The following SLC22A23 variants were observed in gnomAD, a reference collection of about 807,000 sequenced individuals.
SLC22A23 encodes solute carrier family 22 member 23.
SLC22A23 carries 26 observed loss-of-function variants against 61.0 expected under a neutral mutation model. That is an observed-to-expected ratio of 0.43 (90% CI 0.31 to 0.59). The LOEUF (loss-of-function observed/expected upper bound fraction) is 0.59, where lower values mean the gene tolerates loss of function less well. Ranked by LOEUF, SLC22A23 falls within the 20% of genes least tolerant of loss-of-function variation. The pLI, the probability that SLC22A23 is intolerant of heterozygous loss-of-function variation, is 0.11. For synonymous variants in SLC22A23, 430 were observed against 413.9 expected (o/e 1.04, Z -0.47); for missense variants, 796 against 934.7 (o/e 0.85, Z 1.94).
rs151139208 is a variant in SLC22A23, at chr6:3,323,994, G to A, written c.922C>T (p.Leu308=). 2.0e-4 allele frequency: 321 copies of A among 1,614,126 alleles called. No individual in the cohort carries two copies. The African/African-American group carries it at 3.8e-3, about 19-fold the overall frequency. The change falls in exon 4 of 10, where the codon CTG becomes TTG. Residue 308 remains leucine, a synonymous_variant. Coordinates refer to ENST00000406686, the MANE Select transcript of SLC22A23 (RefSeq NM_015482.2). ...ATGAACCGTTTTCCAGGGGGGCACA[G>A]CTCTATTCCTAGAACACAGAACCAA... The part of the protein sequence containing the change: ...ILTLYALRIE[L]CPPGKRFMIT...
chr6:3,359,840 T>C (rs753073515), intron 3 of SLC22A23, among the ~76,000 whole-genome samples: 17 of 152,142 alleles, frequency 1.1e-4, no homozygotes, highest in Non-Finnish European at 1.9e-4. Context: ...ATGTGATCCA[T>C]CCAGAGGATG....
intron 9 of SLC22A23, among the ~76,000 whole-genome samples, chr6:3,275,622 G>A (rs970673140): frequency 4.6e-5 from 7 of 152,166 alleles, no homozygotes; most frequent in Admixed American, 1.3e-4. Flanking sequence ...TCTCACTGTC[G>A]CACAGGCTGG....
In SLC22A23 at chr6:3,271,942, T is replaced by G. The variant is rs1331489773; in HGVS notation, c.*1113A>C. The G allele has an allele frequency of 6.6e-6, 1 of 152,420 alleles. No individual in the cohort carries two copies. The highest frequency in any genetic ancestry group is 1.5e-5 in the Non-Finnish European group (1 of 68,120). 9.4% of individuals were successfully genotyped at this position (152,420 alleles called of 1,614,324 possible). On this transcript the variant is annotated 3_prime_UTR_variant, in exon 10 of 10. Coordinates refer to ENST00000406686, the MANE Select transcript of SLC22A23 (RefSeq NM_015482.2). ...CGCTCCCTGCCCGAAGCCCCACCTC[T>G]GTGCTATGCGAGTGACTGCAAGCAG...
At position 3,285,977 on chromosome 6, in the gene SLC22A23, C is replaced by T. The variant is rs1042342238; in HGVS notation, c.1547-866G>A. ...TCATCGGTCCTGCCTGTTCACGTCGCGCCCTGGGCTGGCCACGGAGATGCT... is the reference window on the plus strand; with the variant it reads ...TCATCGGTCCTGCCTGTTCACGTCGTGCCCTGGGCTGGCCACGGAGATGCT... On this transcript the variant is annotated intron_variant, in intron 7 of 9. Coordinates refer to ENST00000406686, the MANE Select transcript of SLC22A23 (RefSeq NM_015482.2). Among the ~76,000 whole-genome samples the T allele has an allele frequency of 5.3e-5, 8 of 152,250 alleles. No homozygotes were observed. The South Asian group carries it at 1.2e-3, about 24-fold the overall frequency.
rs145450992 is a variant in SLC22A23 at position 3,434,540 on chromosome 6, T to C, written c.655-18685A>G. ...AGGAGAATCGCTTGAATCTGGGAGGTGGAGGTTGCAGCAAGCAGAGATCGC... is the reference window on the plus strand; with the variant it reads ...AGGAGAATCGCTTGAATCTGGGAGGCGGAGGTTGCAGCAAGCAGAGATCGC... On this transcript the variant is annotated intron_variant, in intron 1 of 9. Coordinates refer to ENST00000406686, the MANE Select transcript of SLC22A23 (RefSeq NM_015482.2). Among the ~76,000 whole-genome samples the C allele has an allele frequency of 3.4e-3, 510 of 149,142 alleles. 2 individuals carry two copies. Among genetic ancestry groups the C allele is most frequent in the African/African-American group, 0.012 (478 of 40,232 alleles).
intron 1 of SLC22A23, among the ~76,000 whole-genome samples, chr6:3,436,582 C>T (rs903986396): frequency 2.6e-5 from 4 of 152,194 alleles, no homozygotes; most frequent in African/African-American, 9.7e-5. Context: ...CGCTCCTTCC[C>T]GTTACAGGGC....
Position 3,297,448 on chromosome 6 carries a change from G to GT in SLC22A23, c.1210+642dup, listed in dbSNP as rs780412644. 3.9e-5 allele frequency among the ~76,000 whole-genome samples: 6 copies of GT among 152,160 alleles called. No homozygotes were observed. Among genetic ancestry groups the GT allele is most frequent in the Non-Finnish European group, 5.9e-5 (4 of 68,034 alleles). ...CTTCTAGTGCTTATTAGAAATGCAA[G>GT]TTCTCAGGGCTTATCCCAAATCTAA... is the stretch of plus-strand genomic sequence containing the variant. On this transcript the variant is annotated intron_variant, in intron 5 of 9. Transcript: ENST00000406686. The surrounding 1 kb of genome is among the most constrained non-coding windows in gnomAD (Gnocchi z 4.3).
At chr6:3,293,229 AAGG>A (rs998409083) in intron 5 of SLC22A23, among the ~76,000 whole-genome samples, 13 of 152,184 alleles carry the variant, frequency 8.5e-5, no homozygotes, top group Non-Finnish European at 1.2e-4. Flanking sequence ...AGAAAAGAAA[AAGG>A]AGGAGGACAA....
rs143878770 is a variant in SLC22A23 at position 3,273,091 on chromosome 6, G to A, written c.2025C>T (p.Pro675=). 1.8e-5 allele frequency: 29 copies of A among 1,589,346 alleles called. No individual in the cohort carries two copies. Among genetic ancestry groups the A allele is most frequent in the Middle Eastern group, 3.3e-4 (2 of 5,992 alleles). ...HDAAAAGDTL[P]EGATANGMKA... ...TCATGCCGTTGGCCGTGGCACCCTC[G>A]GGCAGTGTGTCACCCGCGGCTGCGG... The change falls in exon 10 of 10, where the codon CCC becomes CCT. Residue 675 remains proline (P), a synonymous_variant. Coordinates refer to ENST00000406686, the MANE Select transcript of SLC22A23 (RefSeq NM_015482.2).
At position 3,427,500 on chromosome 6, in the gene SLC22A23, G is replaced by T. The variant is rs966164016; in HGVS notation, c.655-11645C>A. Among the ~76,000 whole-genome samples the T allele has an allele frequency of 1.3e-5, 2 of 152,120 alleles. No homozygotes were observed. The highest frequency in any genetic ancestry group is 4.8e-5 in the African/African-American group (2 of 41,422). On this transcript the variant is annotated intron_variant, in intron 1 of 9. Transcript: ENST00000406686. This position sits in a 1 kb window ranked among gnomAD's most constrained non-coding sequence, Gnocchi z 4.3. ...CCAGATTAGAAAGTGGGCCAGACGA[G>T]GATGGAAGACGCCCTCCAGGGAGCA... is the stretch of plus-strand genomic sequence containing the variant.
chr6:3,369,527 C>T (rs1288603242), intron 3 of SLC22A23, among the ~76,000 whole-genome samples: 1 of 152,008 alleles, frequency 6.6e-6, no homozygotes, highest in African/African-American at 2.4e-5. Context: ...CCCATCTCTA[C>T]TAAAAATACA....
chr6:3,283,492 G>A (rs7740348), intron 9 of SLC22A23: 6,036 of 313,598 alleles, frequency 0.019, 356 homozygotes, highest in African/African-American at 0.12. Context: ...TAGCTGTGCC[G>A]TGAGGTCTCT....
In SLC22A23 at chr6:3,270,557, C is replaced by T. The variant is rs183216105; in HGVS notation, c.*2498G>A. 603 of 152,470 alleles carry T rather than the reference C, an allele frequency of 4.0e-3. 5 individuals are homozygous for T. The highest frequency in any genetic ancestry group is 0.017 in the Middle Eastern group (5 of 294). 9.4% of individuals were successfully genotyped at this position (152,470 alleles called of 1,614,324 possible). ...GAGGAGAGCTGTGGGACCGCCTCGCCGGCTGAGAGCCATTACCTGCCGACC... is the reference window on the plus strand; with the variant it reads ...GAGGAGAGCTGTGGGACCGCCTCGCTGGCTGAGAGCCATTACCTGCCGACC... On this transcript the variant is annotated 3_prime_UTR_variant, in exon 10 of 10. Transcript: ENST00000406686.
intron 3 of SLC22A23, among the ~76,000 whole-genome samples, chr6:3,376,349 T>C (rs754051181): frequency 1.3e-5 from 2 of 152,100 alleles, no homozygotes; most frequent in Non-Finnish European, 1.5e-5. Context: ...CTTCCCACTG[T>C]CCTCCTCTGA....
intron 4 of SLC22A23, among the ~76,000 whole-genome samples, chr6:3,310,338 C>T (rs1239577463): frequency 1.3e-5 from 1 of 76,390 alleles, no homozygotes; most frequent in African/African-American, 4.9e-5. Context: ...CTCGAGCACC[C>T]TGTCTCCCAG....
intron 4 of SLC22A23, chr6:3,313,608 A>G (rs1762478880): frequency 6.6e-6 from 1 of 152,120 alleles, no homozygotes; most frequent in Admixed American, 6.6e-5. Context: ...ATAATGCAGC[A>G]TTTTGCCCCC....
intron 1 of SLC22A23, among the ~76,000 whole-genome samples, chr6:3,426,025 G>T (rs1226234605): frequency 1.3e-5 from 2 of 152,284 alleles, no homozygotes; most frequent in Middle Eastern, 3.4e-3. Flanking sequence ...AACAGGACAG[G>T]CTTCGGTGTT....
chr6:3,339,432 A>T lies in SLC22A23; in HGVS notation c.914-15430T>A, dbSNP rs180698383. On this transcript the variant is annotated intron_variant, in intron 3 of 9. Coordinates refer to ENST00000406686, the MANE Select transcript of SLC22A23 (RefSeq NM_015482.2). ...TCCACTTTCCAATTCATAATGTCAG[A>T]GGCATGTGAGCCAGAACAACTCCAT... Among the ~76,000 whole-genome samples, 45 of 152,288 alleles carry T rather than the reference A, an allele frequency of 3.0e-4. No homozygotes were observed. The East Asian group carries it at 8.7e-3, about 29-fold the overall frequency.
At chr6:3,392,651 CTG>C (rs1767737922) in intron 3 of SLC22A23, among the ~76,000 whole-genome samples, 2 of 152,214 alleles carry the variant, frequency 1.3e-5, no homozygotes, top group South Asian at 4.1e-4. Context: ...GGAGGAAGAA[CTG>C]AGAGGATTTG....
Sources: allele counts gnomAD v4.1 joint callset (sites outside exome capture counted in the v4.1 genomes callset), GRCh38; gene constraint gnomAD v4.1.1; non-coding constraint Gnocchi (gnomAD v3.1); transcripts MANE v1.5; gene names NCBI Gene and HGNC (gene_info 2026-07-23, HGNC 2026-07-21).